The following CAPN15 variants were observed in gnomAD, a reference collection of about 807,000 sequenced individuals.
CAPN15 encodes calpain 15, also known as calpain-15.
In CAPN15, 53 loss-of-function variants were observed where a neutral mutation model predicts 97.9. That is an observed-to-expected ratio of 0.54 (90% CI 0.43 to 0.68). CAPN15 has a LOEUF of 0.68. CAPN15 is among the 30% of genes least tolerant of loss of function. CAPN15 has a pLI of 0.00. For synonymous variants in CAPN15, 922 were observed against 722.5 expected (o/e 1.28, Z -4.43); for missense variants, 1,592 against 1,589.8 (o/e 1.00, Z -0.02).
intron 3 of CAPN15, chr16:537,599 C>A: frequency 3.9e-6 from 1 of 253,422 alleles, no homozygotes; most frequent in Non-Finnish European, 6.2e-6. Context: ...CGCTCCCACC[C>A]AAGCCCTGCC....
At chr16:550,733 C>G (rs868022175) in intron 7 of CAPN15, among the ~76,000 whole-genome samples, 196 of 8,814 alleles carry the variant, frequency 0.022, 1 homozygote, top group Admixed American at 0.05. Flanking sequence ...TGAGGGTCCC[C>G]GTCGGTGAGG....
chr16:541,177 G>T (rs926574355), intron 3 of CAPN15, among the ~76,000 whole-genome samples: 1 of 152,262 alleles, frequency 6.6e-6, no homozygotes, highest in Non-Finnish European at 1.5e-5. Context: ...GCGTGGAGCT[G>T]CAGGCAGTGG....
intron 3 of CAPN15, among the ~76,000 whole-genome samples, chr16:546,237 T>C (rs2142030549): frequency 6.6e-6 from 1 of 152,372 alleles, no homozygotes; most frequent in Non-Finnish European, 1.5e-5. Flanking sequence ...AGAGGCAGGT[T>C]TTCTTTCTTC....
chr16:544,172 C>G (rs911870126), intron 3 of CAPN15, among the ~76,000 whole-genome samples: 1 of 152,132 alleles, frequency 6.6e-6, no homozygotes, highest in Non-Finnish European at 1.5e-5. Context: ...CAGCCCAGCT[C>G]GAGGGAGGCA....
chr16:550,615 C>T (rs2034920810), intron 7 of CAPN15, among the ~76,000 whole-genome samples: 1 of 152,060 alleles, frequency 6.6e-6, no homozygotes, highest in Non-Finnish European at 1.5e-5. Context: ...AGCCATGCCC[C>T]TGGTTAGTGA....
Position 552,923 on chromosome 16 carries a change from G to A in CAPN15, c.2965G>A (p.Val989Met), listed in dbSNP as rs937221211. ...THGWAGLIVV[V>M]ENRHPKAYLH... ...CGGTTGGGCGGGGCTCATCGTGGTG[G>A]TGGAGAACCGACACCCCAAGGCCTA... The change falls in exon 13 of 14, where the codon GTG becomes ATG. Residue 989 changes from valine (V) to methionine (M), a missense_variant. Around this residue, in one of 3 missense-constraint regions of CAPN15, gnomAD observed 644 missense variants for 699.6 expected, o/e 0.92. Transcript: ENST00000219611. This position sits in a 1 kb window ranked among gnomAD's most constrained non-coding sequence, Gnocchi z 6.4. 6.2e-7 allele frequency: 1 copy of A among 1,611,804 alleles called. No individual in the cohort carries two copies. The highest frequency in any genetic ancestry group is 8.5e-7 in the Non-Finnish European group (1 of 1,179,460).
At chr16:537,263 AG>A in intron 3 of CAPN15, 2 of 985,462 alleles carry the variant, frequency 2.0e-6, no homozygotes, top group Non-Finnish European at 2.4e-6. Context: ...AGCTCAAGAA[AG>A]GTTTTCTGAG....
At chr16:544,936 C>T (rs1301340353) in intron 3 of CAPN15, among the ~76,000 whole-genome samples, 29 of 140,330 alleles carry the variant, frequency 2.1e-4, no homozygotes, top group Admixed American at 2.0e-3. Context: ...GAGCCCGCTC[C>T]CTTCGAAGGT....
chr16:539,663 T>C (rs1289784344), intron 3 of CAPN15: 2 of 152,246 alleles, frequency 1.3e-5, no homozygotes, highest in Admixed American at 6.5e-5. Context: ...CTTCTGGAAG[T>C]CTCCAGAGTG....
chr16:541,250 C>T (rs1370129069), intron 3 of CAPN15, among the ~76,000 whole-genome samples: 1 of 152,266 alleles, frequency 6.6e-6, no homozygotes, highest in Non-Finnish European at 1.5e-5. Context: ...ACGCTGAGGC[C>T]TGAGCTCCGG....
At chr16:550,589 G>A (rs1237095996) in intron 7 of CAPN15, among the ~76,000 whole-genome samples, 2 of 151,676 alleles carry the variant, frequency 1.3e-5, no homozygotes, top group Non-Finnish European at 2.9e-5. Context: ...GCCCCCAGTC[G>A]GTGAGGGCCC....
At chr16:540,170 C>T (rs1038510152) in intron 3 of CAPN15, 2 of 985,506 alleles carry the variant, frequency 2.0e-6, no homozygotes, top group Non-Finnish European at 2.4e-6. Flanking sequence ...GCTCTCAGCA[C>T]GGCCGCCGGC....
At chr16:548,382 G>A (rs976951045) in intron 4 of CAPN15, 95 bp downstream of exon 4, 7 of 1,237,948 alleles carry the variant, frequency 5.7e-6, no homozygotes, top group Admixed American at 3.4e-5. Flanking sequence ...CTGGGGAGGA[G>A]CCCACAAGGC....
intron 1 of CAPN15, among the ~76,000 whole-genome samples, chr16:532,331 A>G (rs2033326637): frequency 6.6e-6 from 1 of 151,226 alleles, no homozygotes. Flanking sequence ...AGGTGGGTGA[A>G]TCACATGAGG....
chr16:535,241 C>A lies in CAPN15; in HGVS notation c.-136-788C>A. On this transcript the variant is annotated intron_variant, in intron 2 of 13. Coordinates refer to ENST00000219611, the MANE Select transcript of CAPN15 (RefSeq NM_005632.3). This position sits in a 1 kb window ranked among gnomAD's most constrained non-coding sequence, Gnocchi z 6.2. ...AGAGGCACCTCGAGACCCTGTCCTGCCACGGGTGGGCTGTCAAGGCCAGCA... is the reference window on the plus strand; with the variant it reads ...AGAGGCACCTCGAGACCCTGTCCTGACACGGGTGGGCTGTCAAGGCCAGCA... 1 of 154,326 alleles carries A rather than the reference C, an allele frequency of 6.5e-6. No individual in the cohort carries two copies. The highest frequency in any genetic ancestry group is 5.2e-4 in the Middle Eastern group (1 of 1,908). 9.6% of individuals were successfully genotyped at this position (154,326 alleles called of 1,614,324 possible). A position where few individuals can be genotyped will look rare whatever the true frequency, so the allele number is the denominator to read the frequency against.
In CAPN15 at chr16:552,064, G is replaced by A. The variant is rs1157735335; in HGVS notation, c.2359G>A (p.Val787Met). 9 of 1,548,718 alleles carry A rather than the reference G, an allele frequency of 5.8e-6. No homozygotes were observed. Among genetic ancestry groups the A allele is most frequent in the Non-Finnish European group, 7.8e-6 (9 of 1,146,832 alleles). ...CGCCACCTGCAGGTACTTCGACTCC[G>A]TGGACATCTGTAAGGTGCACTCGGA... ...YGDFVRYFDS[V>M]DICKVHSDWQ... The change falls in exon 10 of 14, where the codon GTG (valine) becomes ATG (methionine). Residue 787 changes from valine to methionine, a missense_variant. Transcript: ENST00000219611. This position sits in a 1 kb window ranked among gnomAD's most constrained non-coding sequence, Gnocchi z 6.4.
At chr16:537,530 C>T (rs902245052) in intron 3 of CAPN15, 1 of 791,278 alleles carries the variant, frequency 1.3e-6, no homozygotes, top group African/African-American at 1.9e-5. Flanking sequence ...CTGTCAGAGC[C>T]AAACCAGCTC....
At chr16:533,403 C>G (rs1421330714) in intron 1 of CAPN15, among the ~76,000 whole-genome samples, 1 of 152,172 alleles carries the variant, frequency 6.6e-6, no homozygotes, top group East Asian at 1.9e-4. Context: ...TGGCTCGAAG[C>G]AGTGGCCGCC....
At chr16:548,452 C>T (rs140120556) in intron 4 of CAPN15, among the ~76,000 whole-genome samples, 165 bp downstream of exon 4, 2,188 of 152,342 alleles carry the variant, frequency 0.014, 50 homozygotes, top group African/African-American at 0.049. Flanking sequence ...CCCAATGGCC[C>T]TGGGGTCCAG....
Sources: gnomAD v4.1 joint callset for allele counts (sites outside exome capture counted in the v4.1 genomes callset) on GRCh38, gnomAD v4.1.1 for gene constraint, gnomAD v4.1.1 regional missense constraint, Gnocchi (gnomAD v3.1) non-coding constraint, MANE v1.5 for transcripts, NCBI Gene and HGNC (gene_info 2026-07-23, HGNC 2026-07-21) for gene names.